Variants in SMG7 observed in about 807,000 individuals in gnomAD.
The protein encoded by SMG7 is SMG7 nonsense mediated mRNA decay factor.
SMG7 carries 34 observed loss-of-function variants against 148.2 expected under a neutral mutation model. The observed-to-expected ratio is 0.23, with a 90% CI of 0.17 to 0.31. SMG7 has a LOEUF of 0.31. Among genes scored for constraint, SMG7 ranks in the 10% least tolerant of loss-of-function variants. The pLI is 1.00. For synonymous variants in SMG7, 492 were observed against 515.1 expected (o/e 0.96, Z 0.61); for missense variants, 1,114 against 1,408.4 (o/e 0.79, Z 3.35).
At chr1:183,502,380 A>G in intron 1 of SMG7, 3 of 1,534,158 alleles carry the variant, frequency 2.0e-6, no homozygotes, top group Admixed American at 2.0e-5. Context: ...ATCTGAAATC[A>G]AGTAATATTA....
chr1:183,512,222 C>A (rs1183912136), intron 1 of SMG7, among the ~76,000 whole-genome samples: 2 of 152,114 alleles, frequency 1.3e-5, no homozygotes, highest in Non-Finnish European at 2.9e-5. Flanking sequence ...AAGGAACAGT[C>A]CTTAAGAAGG....
intron 1 of SMG7, among the ~76,000 whole-genome samples, chr1:183,506,751 G>C (rs1359850354): frequency 1.3e-5 from 2 of 151,730 alleles, no homozygotes; most frequent in African/African-American, 4.8e-5. Flanking sequence ...AGAAGATGTT[G>C]AGTTATATTC....
chr1:183,546,893 TTTTTGCTTTTCTATTGTC>T (rs1429712001), intron 17 of SMG7, among the ~76,000 whole-genome samples, 192 bp from the exon 18 acceptor site: 3 of 152,240 alleles, frequency 2.0e-5, no homozygotes, highest in African/African-American at 7.2e-5. Flanking sequence ...TCTGTCAGTA[TTTTTGCTTTTCTATTGTC>T]TTGAACTTTC....
chr1:183,481,225 T>C (rs1365601332), intron 1 of SMG7, among the ~76,000 whole-genome samples: 1 of 152,212 alleles, frequency 6.6e-6, no homozygotes, highest in Non-Finnish European at 1.5e-5. Flanking sequence ...AGTAATCTCA[T>C]TGTTTTCTAA....
In SMG7 at chr1:183,552,930, A is replaced by G. The variant is rs1671284344; in HGVS notation, c.*999A>G. ...CTTCTTTTACCCAATGCTGTATGCT[A>G]GTAATTGTTTTTATTCCTAATGTGT... On this transcript the variant is annotated 3_prime_UTR_variant, in exon 23 of 23. Transcript: ENST00000688051. The G allele has an allele frequency of 6.6e-7, 1 of 1,522,528 alleles. No homozygotes were observed. The highest frequency in any genetic ancestry group is 8.8e-7 in the Non-Finnish European group (1 of 1,137,242). The allele number at this position is 1,522,528 out of a possible 1,614,324, so 94.3% of individuals were successfully genotyped here. A position where few individuals can be genotyped will look rare whatever the true frequency, so the allele number is the denominator to read the frequency against.
At chr1:183,536,516 G>A (rs1163365931) in intron 10 of SMG7, among the ~76,000 whole-genome samples, 1 of 152,008 alleles carries the variant, frequency 6.6e-6, no homozygotes, top group Non-Finnish European at 1.5e-5. Flanking sequence ...CCTCACTCAG[G>A]AACCAAGGAC....
chr1:183,533,826 GAC>G lies in SMG7; in HGVS notation c.1159_1160del (p.Gln387ValfsTer12). ...TTTCAGGAGGCAGTGGTGGATGAAA[GAC>G]AGTAGTAAGTATTTTTAGAATTTCA... On this transcript the variant is annotated frameshift_variant, in exon 10 of 23. Transcript: ENST00000688051. LOFTEE classifies it high-confidence loss of function. The G allele has an allele frequency of 6.2e-7, 1 of 1,605,600 alleles. No individual in the cohort carries two copies. The highest frequency in any genetic ancestry group is 2.2e-5 in the East Asian group (1 of 44,714).
At position 183,553,517 on chromosome 1, in the gene SMG7, C is replaced by A. The variant is rs1222148558; in HGVS notation, c.*1586C>A. Reference sequence around the variant, plus strand: ...AGACAGCTGTAGAGCAAAGCACATCCAGGAGCCCCAGTTGTCACTGCAGTC... The same window carrying A: ...AGACAGCTGTAGAGCAAAGCACATCAAGGAGCCCCAGTTGTCACTGCAGTC... On this transcript the variant is annotated 3_prime_UTR_variant, in exon 23 of 23. Transcript: ENST00000688051. The A allele has an allele frequency of 3.6e-6, 1 of 276,438 alleles. No homozygotes were observed. The highest frequency in any genetic ancestry group is 7.0e-6 in the Non-Finnish European group (1 of 143,318). The allele number at this position is 276,438 out of a possible 1,614,324, so 17.1% of individuals were successfully genotyped here.
chr1:183,552,802 C>CT lies in SMG7; in HGVS notation c.*872dup. 1 of 1,421,950 alleles carries CT rather than the reference C, an allele frequency of 7.0e-7. No individual in the cohort carries two copies. The highest frequency in any genetic ancestry group is 9.2e-7 in the Non-Finnish European group (1 of 1,091,722). 88.1% of individuals were successfully genotyped at this position (1,421,950 alleles called of 1,614,324 possible). A position where few individuals can be genotyped will look rare whatever the true frequency, so the allele number is the denominator to read the frequency against. On this transcript the variant is annotated 3_prime_UTR_variant, in exon 23 of 23. Coordinates refer to ENST00000688051, the MANE Select transcript of SMG7 (RefSeq NM_001375584.1). ...GAAGGCAGGCTAGTCCATTCACAGC[C>CT]TGACACGTTCTAATAGGTAGAAGCT...
At chr1:183,519,404 T>A (rs1351004337) in intron 4 of SMG7, among the ~76,000 whole-genome samples, 1 of 151,708 alleles carries the variant, frequency 6.6e-6, no homozygotes, top group Admixed American at 6.6e-5. Flanking sequence ...AGAGAGGGAT[T>A]GGTCCTTAAA....
chr1:183,541,111 T>C lies in SMG7; in HGVS notation c.1415+8T>C. 1 of 1,612,182 alleles carries C rather than the reference T, an allele frequency of 6.2e-7. No homozygotes were observed. The highest frequency in any genetic ancestry group is 1.1e-5 in the South Asian group (1 of 90,886). ...TGCTGATAATCAGCCAAGGTAAGTC[T>C]GGAACTTCTGGTCTACCCCTTTTTA... On this transcript the variant is annotated splice_region_variant and intron_variant, in intron 13 of 22. Transcript: ENST00000688051.
chr1:183,527,567 A>G lies in SMG7; in HGVS notation c.485-389A>G. The G allele has an allele frequency of 4.4e-6, 2 of 457,996 alleles. No homozygotes were observed. Among genetic ancestry groups the G allele is most frequent in the South Asian group, 3.2e-5 (2 of 62,720 alleles). 28.4% of individuals were successfully genotyped at this position (457,996 alleles called of 1,614,324 possible). ...TCAAAATCACTTTATAAAATATTGAAAAATACATAATTTTCAGATCATATT... is the reference window on the plus strand; with the variant it reads ...TCAAAATCACTTTATAAAATATTGAGAAATACATAATTTTCAGATCATATT... On this transcript the variant is annotated intron_variant, in intron 5 of 22. Transcript: ENST00000688051. The surrounding 1 kb of genome is among the most constrained non-coding windows in gnomAD (Gnocchi z 4.0).
At chr1:183,477,840 A>T (rs986582142) in intron 1 of SMG7, among the ~76,000 whole-genome samples, 3 of 152,064 alleles carry the variant, frequency 2.0e-5, no homozygotes, top group African/African-American at 7.2e-5. Flanking sequence ...ATATACATAT[A>T]TTTTTTGTAT....
chr1:183,508,906 T>C (rs1438900082), intron 1 of SMG7, among the ~76,000 whole-genome samples: 1 of 152,214 alleles, frequency 6.6e-6, no homozygotes, highest in Admixed American at 6.5e-5. Context: ...AAACAGACTT[T>C]TACTCTGCAG....
chr1:183,527,866 A>G lies in SMG7; in HGVS notation c.485-90A>G. ...TTAAATTAACTTTAATGTCTTTATT[A>G]TCTTTAGAACTTAAAACTATAGCTG... On this transcript the variant is annotated intron_variant, in intron 5 of 22. Coordinates refer to ENST00000688051, the MANE Select transcript of SMG7 (RefSeq NM_001375584.1). This position sits in a 1 kb window ranked among gnomAD's most constrained non-coding sequence, Gnocchi z 4.0. 1.3e-6 allele frequency: 1 copy of G among 799,768 alleles called. No individual in the cohort carries two copies. The highest frequency in any genetic ancestry group is 2.1e-6 in the Non-Finnish European group (1 of 479,726). 49.5% of individuals were successfully genotyped at this position (799,768 alleles called of 1,614,324 possible).
intron 11 of SMG7, 83 bp downstream of exon 11, chr1:183,537,298 GGT>G (rs1473380510): frequency 1.1e-6 from 1 of 952,322 alleles, no homozygotes; most frequent in African/African-American, 1.6e-5. Flanking sequence ...AGAGGTTTTT[GGT>G]GATGAATGAT....
At chr1:183,523,999 CTTGTGCT>C (rs952341754) in intron 4 of SMG7, among the ~76,000 whole-genome samples, 1 of 150,940 alleles carries the variant, frequency 6.6e-6, no homozygotes, top group Non-Finnish European at 1.5e-5. Context: ...TGCCCTGTGC[CTTGTGCT>C]TTTTCTATTT....
At chr1:183,498,511 C>CA (rs565236773) in intron 1 of SMG7, among the ~76,000 whole-genome samples, 338 of 151,866 alleles carry the variant, frequency 2.2e-3, no homozygotes, top group African/African-American at 7.8e-3. Context: ...GAGTTTAAAA[C>CA]AAAAAACAAA....
chr1:183,476,115 A>G (rs1332617592), intron 1 of SMG7, among the ~76,000 whole-genome samples: 1 of 152,182 alleles, frequency 6.6e-6, no homozygotes, highest in Non-Finnish European at 1.5e-5. Flanking sequence ...TAATCATTCC[A>G]TTTAAAGTCT....
Sources: allele counts gnomAD v4.1 joint callset (sites outside exome capture counted in the v4.1 genomes callset), GRCh38; gene constraint gnomAD v4.1.1; non-coding constraint Gnocchi (gnomAD v3.1); transcripts MANE v1.5; gene names NCBI Gene and HGNC (gene_info 2026-07-23, HGNC 2026-07-21).